Variants in TRIM68 observed in about 807,000 individuals in gnomAD.
TRIM68 encodes the protein tripartite motif containing 68, also known as E3 ubiquitin-protein ligase TRIM68.
A neutral mutation model predicts 41.9 loss-of-function variants in TRIM68; 36 were observed. That is an observed-to-expected ratio of 0.86 (90% CI 0.66 to 1.14). The LOEUF is 1.14. Ranked by LOEUF, TRIM68 falls within the 50% of genes most tolerant of loss-of-function variation. The probability of loss-of-function intolerance (pLI) is 0.00; values close to 1 mark genes in which losing one functional copy is unlikely to be tolerated. For synonymous variants in TRIM68, 225 were observed against 224.6 expected (o/e 1.00, Z -0.02); for missense variants, 632 against 605.1 (o/e 1.04, Z -0.47).
Position 4,600,059 on chromosome 11 carries a change from G to T in TRIM68, c.*217C>A. ...ATCAGCCCTGTCGTGCTTCCCTCATGGGATGCAATGCTCATTTGACTGGGC... is the reference window on the plus strand; with the variant it reads ...ATCAGCCCTGTCGTGCTTCCCTCATTGGATGCAATGCTCATTTGACTGGGC... On this transcript the variant is annotated 3_prime_UTR_variant, in exon 7 of 7. Coordinates refer to ENST00000300747, the MANE Select transcript of TRIM68 (RefSeq NM_018073.8). 1 of 505,634 alleles carries T rather than the reference G, an allele frequency of 2.0e-6. No homozygotes were observed. Among genetic ancestry groups the T allele is most frequent in the Non-Finnish European group, 3.5e-6 (1 of 288,574 alleles). The allele number at this position is 505,634 out of a possible 1,614,324, so 31.3% of individuals were successfully genotyped here. A position where few individuals can be genotyped will look rare whatever the true frequency, so the allele number is the denominator to read the frequency against.
chr11:4,602,831 T>A (rs919562111), intron 3 of TRIM68, among the ~76,000 whole-genome samples: 4 of 152,270 alleles, frequency 2.6e-5, no homozygotes, highest in African/African-American at 9.6e-5. Flanking sequence ...AAAGTTCTAG[T>A]AGTTTGATAC....
chr11:4,601,055 C>T lies in TRIM68; in HGVS notation c.879G>A (p.Gly293=), dbSNP rs766625795. ...LELKTDCRVL[G]LREILKTYAA... is the part of the protein sequence containing the mutation. Reference sequence around the variant, plus strand: ...CATAAGTCTTCAGGATCTCTCTTAGCCCCAGCACACGGCAATCTGTCTTCA... The same window carrying T: ...CATAAGTCTTCAGGATCTCTCTTAGTCCCAGCACACGGCAATCTGTCTTCA... The change falls in exon 6 of 7, where the codon GGG becomes GGA. Residue 293 remains glycine (G), a synonymous_variant. Coordinates refer to ENST00000300747, the MANE Select transcript of TRIM68 (RefSeq NM_018073.8). 16 of 1,614,054 alleles carry T rather than the reference C, an allele frequency of 9.9e-6. No individual in the cohort carries two copies. Among genetic ancestry groups the T allele is most frequent in the South Asian group, 8.8e-5 (8 of 91,086 alleles).
Position 4,600,696 on chromosome 11 carries a change from G to C in TRIM68, c.1038C>G (p.Ile346Met). 6.2e-7 allele frequency: 1 copy of C among 1,614,154 alleles called. No homozygotes were observed. Among genetic ancestry groups the C allele is most frequent in the Non-Finnish European group, 8.5e-7 (1 of 1,180,040 alleles). Residue 346 changes from isoleucine (I) to methionine (M), a missense_variant, in exon 7 of 7, where the codon ATC becomes ATG. Physicochemically the swap from Ile to Met is conservative, Grantham distance 10 (BLOSUM62 1). Transcript: ENST00000300747. Reference protein sequence around the residue: ...DNPERFYRYNIVLGSQCISSG... With the variant: ...DNPERFYRYNMVLGSQCISSG... ...AGGAGATGCACTGGCTTCCCAGGAC[G>C]ATATTATAGCGGTAAAATCTCTCAG...
At chr11:4,601,531 G>C in intron 5 of TRIM68, 133 bp downstream of exon 5, 1 of 875,948 alleles carries the variant, frequency 1.1e-6, no homozygotes, top group Non-Finnish European at 1.9e-6. Flanking sequence ...TACCATGTAA[G>C]TGGGACGAGA....
In TRIM68 at chr11:4,602,543, G is replaced by A; in HGVS notation, c.523-131C>T. On this transcript the variant is annotated intron_variant, in intron 3 of 6. Coordinates refer to ENST00000300747, the MANE Select transcript of TRIM68 (RefSeq NM_018073.8). The stretch of plus-strand genomic sequence containing the variant: ...CAGGCTATGCAGGGGCAAAGATAAA[G>A]GATACTATTTTTCCTAGCTTCCTGT... 4.8e-6 allele frequency: 6 copies of A among 1,240,500 alleles called. 1 individual carries two copies. The highest frequency in any genetic ancestry group is 6.6e-6 in the Non-Finnish European group (6 of 907,324). 76.8% of individuals were successfully genotyped at this position (1,240,500 alleles called of 1,614,324 possible). A position where few individuals can be genotyped will look rare whatever the true frequency, so the allele number is the denominator to read the frequency against.
rs1846518644 is a variant in TRIM68, at chr11:4,603,180, C to G, written c.522+65G>C. The G allele has an allele frequency of 6.8e-6, 10 of 1,464,222 alleles. No homozygotes were observed. The East Asian group carries it at 2.3e-4, about 33-fold the overall frequency. 90.7% of individuals were successfully genotyped at this position (1,464,222 alleles called of 1,614,324 possible). The stretch of plus-strand genomic sequence containing the variant: ...GCCTCACAGTGATGAGAATGCTACC[C>G]TAGGCCAGCTCCAGGACCACACAGG... On this transcript the variant is annotated intron_variant, in intron 3 of 6. Transcript: ENST00000300747.
chr11:4,602,485 C>A, intron 3 of TRIM68, 73 bp from the exon 4 acceptor site: 1 of 1,562,588 alleles, frequency 6.4e-7, no homozygotes, highest in South Asian at 1.2e-5. Flanking sequence ...CATATGCATA[C>A]ACACATACTC....
At position 4,608,179 on chromosome 11, in the gene TRIM68, C is replaced by G. The variant is rs1008677872; in HGVS notation, c.-210G>C. ...GCGGCAGAGGCCCAGAACCCAAAGCCCGGCAGCGCAGGCCCAGTAGCCCGC... is the reference window on the plus strand; with the variant it reads ...GCGGCAGAGGCCCAGAACCCAAAGCGCGGCAGCGCAGGCCCAGTAGCCCGC... On this transcript the variant is annotated 5_prime_UTR_variant, in exon 1 of 7. Coordinates refer to ENST00000300747, the MANE Select transcript of TRIM68 (RefSeq NM_018073.8). 6.6e-6 allele frequency: 1 copy of G among 152,548 alleles called. No individual in the cohort carries two copies. Among genetic ancestry groups the G allele is most frequent in the South Asian group, 2.1e-4 (1 of 4,838 alleles). 9.4% of individuals were successfully genotyped at this position (152,548 alleles called of 1,614,324 possible).
In TRIM68 at chr11:4,601,588, G is replaced by A. The variant is rs149657427; in HGVS notation, c.806+76C>T. ...TCTGTGTGCACCGAGTCTGTGCTCCGTCCCTACTTCTGGCTCTAGTTAGGC... is the reference window on the plus strand; with the variant it reads ...TCTGTGTGCACCGAGTCTGTGCTCCATCCCTACTTCTGGCTCTAGTTAGGC... On this transcript the variant is annotated intron_variant, in intron 5 of 6. Coordinates refer to ENST00000300747, the MANE Select transcript of TRIM68 (RefSeq NM_018073.8). The A allele has an allele frequency of 5.3e-5, 80 of 1,523,376 alleles. No individual in the cohort carries two copies. In the East Asian group the frequency reaches 7.0e-4, roughly 13 times the overall value. The allele number at this position is 1,523,376 out of a possible 1,614,324, so 94.4% of individuals were successfully genotyped here. A position where few individuals can be genotyped will look rare whatever the true frequency, so the allele number is the denominator to read the frequency against.
rs1197329973 is a variant in TRIM68, at chr11:4,604,989, A to T, written c.426+90T>A. On this transcript the variant is annotated intron_variant, in intron 2 of 6. Transcript: ENST00000300747. ...TCAGGAACCAAAGGAGTTAGCTCTCAGTCTGTGGTGCTGGTGGTCAAGCCC... is the reference window on the plus strand; with the variant it reads ...TCAGGAACCAAAGGAGTTAGCTCTCTGTCTGTGGTGCTGGTGGTCAAGCCC... The T allele has an allele frequency of 2.8e-6, 4 of 1,419,304 alleles. No homozygotes were observed. In the African/African-American group the frequency reaches 5.6e-5, roughly 20 times the overall value. 87.9% of individuals were successfully genotyped at this position (1,419,304 alleles called of 1,614,324 possible). A position where few individuals can be genotyped will look rare whatever the true frequency, so the allele number is the denominator to read the frequency against.
Position 4,605,179 on chromosome 11 carries a change from C to T in TRIM68, c.326G>A (p.Cys109Tyr). The T allele has an allele frequency of 6.2e-7, 1 of 1,614,252 alleles. No individual in the cohort carries two copies. Among genetic ancestry groups the T allele is most frequent in the Non-Finnish European group, 8.5e-7 (1 of 1,180,036 alleles). Residue 109 changes from cysteine to tyrosine, a missense_variant, in exon 2 of 7, where the codon TGC becomes TAC. Coordinates refer to ENST00000300747, the MANE Select transcript of TRIM68 (RefSeq NM_018073.8). ...ERHGEKLKMFCKEDVLIMCEA... is the reference protein window; with the variant it reads ...ERHGEKLKMFYKEDVLIMCEA... ...ACACATTATCAAGACATCCTCTTTG[C>T]AGAACATCTTCAGCTTTTCCCCATG...
chr11:4,600,548 T>A lies in TRIM68; in HGVS notation c.1186A>T (p.Ile396Leu), dbSNP rs908490791. ...YLSPHYGFWV[I>L]RLRKGNEYRA... ...TACTCATTTCCCTTCCTCAGCCTTA[T>A]CACCCAGAATCCATAGTGGGGGGAT... The change falls in exon 7 of 7, where the codon ATA becomes TTA. Residue 396 changes from isoleucine to leucine, a missense_variant. Transcript: ENST00000300747. 22 of 1,614,002 alleles carry A rather than the reference T, an allele frequency of 1.4e-5. No individual in the cohort carries two copies. Among genetic ancestry groups the A allele is most frequent in the African/African-American group, 2.7e-5 (2 of 74,886 alleles).
At chr11:4,601,821 G>A in intron 4 of TRIM68, 135 bp from the exon 5 acceptor site, 1 of 1,096,180 alleles carries the variant, frequency 9.1e-7, no homozygotes, top group Non-Finnish European at 1.4e-6. Context: ...GCAGAGGTAA[G>A]GAGAAGCCTA....
rs368137460 is a variant in TRIM68 at position 4,600,396 on chromosome 11, G to C, written c.1338C>G (p.Ile446Met). 1 of 1,614,134 alleles carries C rather than the reference G, an allele frequency of 6.2e-7. No individual in the cohort carries two copies. The highest frequency in any genetic ancestry group is 8.5e-7 in the Non-Finnish European group (1 of 1,180,020). ...GGAAGGGATAGCGGGGGAAAGTGAAGATGTGGGAGCCACAGTCAGTCACAT... is the reference window on the plus strand; with the variant it reads ...GGAAGGGATAGCGGGGGAAAGTGAACATGTGGGAGCCACAGTCAGTCACAT... ...FYNVTDCGSH[I>M]FTFPRYPFPG... Residue 446 changes from isoleucine to methionine, a missense_variant, in exon 7 of 7, where the codon ATC (isoleucine) becomes ATG (methionine). Ile to Met is a conservative substitution (Grantham distance 10). Transcript: ENST00000300747.
chr11:4,608,171 C>G lies in TRIM68; in HGVS notation c.-202G>C, dbSNP rs1049861317. The G allele has an allele frequency of 9.2e-5, 14 of 152,556 alleles. No individual in the cohort carries two copies. The highest frequency in any genetic ancestry group is 3.4e-4 in the African/African-American group (14 of 41,482). 9.5% of individuals were successfully genotyped at this position (152,556 alleles called of 1,614,324 possible). A position where few individuals can be genotyped will look rare whatever the true frequency, so the allele number is the denominator to read the frequency against. Reference sequence around the variant, plus strand: ...GCCAGAGAGCGGCAGAGGCCCAGAACCCAAAGCCCGGCAGCGCAGGCCCAG... The same window carrying G: ...GCCAGAGAGCGGCAGAGGCCCAGAAGCCAAAGCCCGGCAGCGCAGGCCCAG... On this transcript the variant is annotated 5_prime_UTR_variant, in exon 1 of 7. Coordinates refer to ENST00000300747, the MANE Select transcript of TRIM68 (RefSeq NM_018073.8).
rs1016324729 is a variant in TRIM68, at chr11:4,599,965, G to A, written c.*311C>T. On this transcript the variant is annotated 3_prime_UTR_variant, in exon 7 of 7. Transcript: ENST00000300747. ...ACGGGAATCAGGGAAGAGGGTGGTT[G>A]GCTACTACATGGACAAAGTCCTGAT... 4 of 254,576 alleles carry A rather than the reference G, an allele frequency of 1.6e-5. No individual in the cohort carries two copies. Among genetic ancestry groups the A allele is most frequent in the African/African-American group, 8.8e-5 (4 of 45,362 alleles). The allele number at this position is 254,576 out of a possible 1,614,324, so 15.8% of individuals were successfully genotyped here.
At position 4,598,876 on chromosome 11, in the gene TRIM68, G is replaced by A. The variant is rs74484065; in HGVS notation, c.*1400C>T. 0.013 allele frequency: 1,968 copies of A among 152,308 alleles called. 17 individuals carry two copies. The highest frequency in any genetic ancestry group is 0.027 in the Middle Eastern group (8 of 296). The allele number at this position is 152,308 out of a possible 1,614,324, so 9.4% of individuals were successfully genotyped here. A position where few individuals can be genotyped will look rare whatever the true frequency, so the allele number is the denominator to read the frequency against. ...GCTATAAGATGCAGACTGTATCATG[G>A]CACAGTGGGAAAGTCACCATGTGCA... On this transcript the variant is annotated 3_prime_UTR_variant, in exon 7 of 7. Coordinates refer to ENST00000300747, the MANE Select transcript of TRIM68 (RefSeq NM_018073.8).
At position 4,599,942 on chromosome 11, in the gene TRIM68, G is replaced by A. The variant is rs149596004; in HGVS notation, c.*334C>T. On this transcript the variant is annotated 3_prime_UTR_variant, in exon 7 of 7. Coordinates refer to ENST00000300747, the MANE Select transcript of TRIM68 (RefSeq NM_018073.8). ...CACTGACTGAACTGTGACACCGGAC[G>A]GGAATCAGGGAAGAGGGTGGTTGGC... 3.9e-4 allele frequency: 84 copies of A among 216,602 alleles called. No homozygotes were observed. Among genetic ancestry groups the A allele is most frequent in the African/African-American group, 1.5e-3 (65 of 44,084 alleles). The allele number at this position is 216,602 out of a possible 1,614,324, so 13.4% of individuals were successfully genotyped here. A position where few individuals can be genotyped will look rare whatever the true frequency, so the allele number is the denominator to read the frequency against.
rs755520596 is a variant in TRIM68, at chr11:4,600,607, T to G, written c.1127A>C (p.Lys376Thr). Residue 376 changes from lysine (K) to threonine (T), a missense_variant, in exon 7 of 7, where the codon AAG (lysine) becomes ACG (threonine). Coordinates refer to ENST00000300747, the MANE Select transcript of TRIM68 (RefSeq NM_018073.8). ...DRSEWGLGVC[K>T]QNVDRKEVVY... ...CACCTCCTTCCGGTCTACATTTTGC[T>G]TACATACTCCCAGGCCCCACTCAGA... 4.7e-5 allele frequency: 76 copies of G among 1,614,076 alleles called. 1 individual carries two copies. The highest frequency in any genetic ancestry group is 6.3e-5 in the Non-Finnish European group (74 of 1,180,008).
Sources: gnomAD v4.1 joint callset for allele counts (sites outside exome capture counted in the v4.1 genomes callset) on GRCh38, gnomAD v4.1.1 for gene constraint, MANE v1.5 for transcripts, NCBI Gene and HGNC (gene_info 2026-07-23, HGNC 2026-07-21) for gene names.